NAALADL2: variants seen among roughly 807,000 people sequenced by gnomAD.
The protein encoded by NAALADL2 is inactive N-acetylated-alpha-linked acidic dipeptidase-like protein 2.
In NAALADL2, 76 loss-of-function variants were observed where a neutral mutation model predicts 87.2. The ratio of observed to expected loss-of-function variants is 0.87; its 90% confidence interval spans 0.72 to 1.05. The LOEUF is 1.05. Ranked by LOEUF, NAALADL2 falls within the 50% of genes least tolerant of loss-of-function variation. The pLI, the probability that NAALADL2 is intolerant of heterozygous loss-of-function variation, is 0.00. For missense variants in NAALADL2, 1,089 were observed against 945.8 expected (o/e 1.15, Z -1.99); for synonymous variants, 354 against 331.0 (o/e 1.07, Z -0.75).
intron 1 of NAALADL2, among the ~76,000 whole-genome samples, chr3:174,475,299 A>C (rs1420545344): frequency 6.6e-6 from 1 of 151,984 alleles, no homozygotes; most frequent in Non-Finnish European, 1.5e-5. Flanking sequence ...AAATAATTAA[A>C]AGTGAAAGAA....
chr3:174,857,575 T>C (rs1725994374), upstream of NAALADL2, among the ~76,000 whole-genome samples: 1 of 152,192 alleles, frequency 6.6e-6, no homozygotes, highest in African/African-American at 2.4e-5. Flanking sequence ...ATATGTGTGT[T>C]GGTCCTTTTA....
intron 1 of NAALADL2, among the ~76,000 whole-genome samples, chr3:175,034,696 T>C (rs1201009737): frequency 6.6e-6 from 1 of 152,124 alleles, no homozygotes; most frequent in Non-Finnish European, 1.5e-5. Flanking sequence ...TCAGTCTTTG[T>C]CTCCTACTGC....
intron 1 of NAALADL2, among the ~76,000 whole-genome samples, chr3:174,950,113 G>A (rs1740099550): frequency 1.3e-5 from 2 of 152,168 alleles, no homozygotes; most frequent in African/African-American, 4.8e-5. Flanking sequence ...ATAAAAATAA[G>A]AGACAGAGAA....
At chr3:174,606,667 A>G (rs1719102671) in intron 2 of NAALADL2, among the ~76,000 whole-genome samples, 1 of 152,198 alleles carries the variant, frequency 6.6e-6, no homozygotes, top group Admixed American at 6.5e-5. Flanking sequence ...ATATGGGACT[A>G]TGTGAAAAGA....
intron 5 of NAALADL2, among the ~76,000 whole-genome samples, chr3:175,429,668 C>A (rs964228190): frequency 3.3e-5 from 5 of 151,910 alleles, no homozygotes; most frequent in Admixed American, 6.6e-5. Flanking sequence ...GTACATGCAA[C>A]AAAATTCATG....
intron 10 of NAALADL2, among the ~76,000 whole-genome samples, chr3:175,598,594 G>C (rs1469483611): frequency 6.6e-6 from 1 of 152,084 alleles, no homozygotes. Context: ...TTAAGTGACA[G>C]ATCTGGGATA....
intron 11 of NAALADL2, among the ~76,000 whole-genome samples, chr3:175,659,169 A>G (rs911839138): frequency 2.6e-5 from 4 of 152,200 alleles, no homozygotes; most frequent in African/African-American, 9.6e-5. Flanking sequence ...TGCCTAACAT[A>G]TAGCAAAAAC....
intron 3 of NAALADL2, among the ~76,000 whole-genome samples, chr3:174,769,132 G>A (rs1053927400): frequency 6.6e-6 from 1 of 151,428 alleles, no homozygotes; most frequent in East Asian, 1.9e-4. Flanking sequence ...TTCCATTTTC[G>A]CTAGTCTATA....
chr3:174,461,284 A>G (rs1229346206), intron 1 of NAALADL2, among the ~76,000 whole-genome samples: 1 of 152,112 alleles, frequency 6.6e-6, no homozygotes, highest in Non-Finnish European at 1.5e-5. Context: ...TATTTTATGT[A>G]TAATTTATTT....
intron 4 of NAALADL2, among the ~76,000 whole-genome samples, chr3:175,269,075 A>T (rs1246102366): frequency 6.6e-6 from 1 of 151,682 alleles, no homozygotes; most frequent in Non-Finnish European, 1.5e-5. Flanking sequence ...AGTAGCTAGG[A>T]TTACAGATGT....
intron 2 of NAALADL2, among the ~76,000 whole-genome samples, chr3:175,154,526 C>A (rs11706404): frequency 0.45 from 67,707 of 151,854 alleles, 15,254 homozygotes; most frequent in African/African-American, 0.49. Flanking sequence ...ACTAGGATTA[C>A]ATAAATTATT....
chr3:175,637,497 C>T (rs1728712369), intron 11 of NAALADL2, among the ~76,000 whole-genome samples: 1 of 152,070 alleles, frequency 6.6e-6, no homozygotes. Context: ...GAGGCGGATC[C>T]CTCATAAATG....
At chr3:174,567,696 G>A (rs1560061116) in intron 2 of NAALADL2, among the ~76,000 whole-genome samples, 2 of 151,568 alleles carry the variant, frequency 1.3e-5, no homozygotes, top group African/African-American at 2.4e-5. Flanking sequence ...TAGGTCAGTT[G>A]TTTAGTGTTT....
intron 2 of NAALADL2, among the ~76,000 whole-genome samples, chr3:175,159,837 T>C (rs1732868076): frequency 6.6e-6 from 1 of 151,290 alleles, no homozygotes; most frequent in African/African-American, 2.4e-5. Flanking sequence ...CTCTCTTTTC[T>C]TTTTCTTTTT....
intron 3 of NAALADL2, among the ~76,000 whole-genome samples, chr3:174,778,454 CAGGT>C (rs1715499092): frequency 6.6e-6 from 1 of 151,224 alleles, no homozygotes. Context: ...TACTCTGCAC[CAGGT>C]TTGGGTTAGG....
intron 3 of NAALADL2, among the ~76,000 whole-genome samples, chr3:174,819,083 TTTTG>T (rs1721132520): frequency 7.4e-6 from 1 of 134,720 alleles, no homozygotes; most frequent in East Asian, 2.1e-4. Flanking sequence ...TTTTTTTTTT[TTTTG>T]GAGACAGGAT....
At chr3:175,189,735 C>T (rs1427134558) in intron 2 of NAALADL2, among the ~76,000 whole-genome samples, 2 of 151,990 alleles carry the variant, frequency 1.3e-5, no homozygotes, top group African/African-American at 2.4e-5. Context: ...TCACGTGGAA[C>T]CATAAAAGAT....
chr3:175,029,071 C>G (rs1039411252), intron 1 of NAALADL2, among the ~76,000 whole-genome samples: 1 of 145,088 alleles, frequency 6.9e-6, no homozygotes, highest in Non-Finnish European at 1.5e-5. Context: ...ATATAAAAAA[C>G]TCAAAATGTG....
At chr3:174,527,454 G>T (rs958727373) in intron 1 of NAALADL2, among the ~76,000 whole-genome samples, 2 of 151,690 alleles carry the variant, frequency 1.3e-5, no homozygotes, top group Non-Finnish European at 2.9e-5. Context: ...GGGAGGCAGA[G>T]GTTGCAATGA....
Sources: gnomAD v4.1 joint callset for allele counts (sites outside exome capture counted in the v4.1 genomes callset) on GRCh38, gnomAD v4.1.1 for gene constraint, MANE v1.5 for transcripts, NCBI Gene and HGNC (gene_info 2026-07-23, HGNC 2026-07-21) for gene names.